Variants in LNX2 observed in about 807,000 individuals in gnomAD.
The protein encoded by LNX2 is ligand of Numb protein X 2.
Under a neutral mutation model 66.2 loss-of-function variants are expected in LNX2, and 35 were observed. The ratio of observed to expected loss-of-function variants is 0.53; its 90% confidence interval spans 0.40 to 0.70. The LOEUF (loss-of-function observed/expected upper bound fraction) is 0.70. Among genes scored for constraint, LNX2 ranks in the 30% least tolerant of loss-of-function variants. LNX2 has a pLI of 0.00. For missense variants in LNX2, 791 were observed against 850.8 expected (o/e 0.93, Z 0.87); for synonymous variants, 337 against 315.6 (o/e 1.07, Z -0.72).
chr13:27,617,499 G>A (rs1454757555), intron 1 of LNX2, among the ~76,000 whole-genome samples: 1 of 152,296 alleles, frequency 6.6e-6, no homozygotes, highest in Admixed American at 6.5e-5. Flanking sequence ...AGAAAGAAGA[G>A]GGGAAGAAGG....
At chr13:27,600,089 G>T (rs1955640749) in intron 1 of LNX2, among the ~76,000 whole-genome samples, 1 of 152,144 alleles carries the variant, frequency 6.6e-6, no homozygotes, top group South Asian at 2.1e-4. Flanking sequence ...CAACAAATAT[G>T]TGTTGGTTAT....
Position 27,559,882 on chromosome 13 carries a change from T to C in LNX2, c.1328A>G (p.His443Arg). The change falls in exon 6 of 10, where the codon CAC becomes CGC. Residue 443 changes from histidine to arginine, a missense_variant. Physicochemically the swap from His to Arg is conservative, Grantham distance 29. Coordinates refer to ENST00000316334, the MANE Select transcript of LNX2 (RefSeq NM_153371.4). ...TCTGCTATAATACGGTGGTGGTGTG[T>C]GGTGCTGGCTGCTGCTGCTATGATT... is the stretch of plus-strand genomic sequence containing the variant. ...AGNHSSSSQH[H>R]TPPPYYSRPS... is the part of the protein sequence containing the mutation. The C allele has an allele frequency of 1.2e-6, 2 of 1,610,932 alleles. No homozygotes were observed. The highest frequency in any genetic ancestry group is 1.7e-6 in the Non-Finnish European group (2 of 1,177,816).
At chr13:27,609,598 A>G (rs1197969790) in intron 1 of LNX2, among the ~76,000 whole-genome samples, 1 of 152,244 alleles carries the variant, frequency 6.6e-6, no homozygotes, top group Non-Finnish European at 1.5e-5. Context: ...TATCACATTT[A>G]GAAAGACTAA....
At chr13:27,574,589 A>G (rs9507912) in intron 2 of LNX2, among the ~76,000 whole-genome samples, 83,003 of 151,760 alleles carry the variant, frequency 0.55, 22,936 homozygotes, top group Middle Eastern at 0.65. Flanking sequence ...GAGAATAAAC[A>G]TATACATAAT....
rs1443065896 is a variant in LNX2 at position 27,545,948 on chromosome 13, G to A, written c.*2387C>T. 1 of 152,170 alleles carries A rather than the reference G, an allele frequency of 6.6e-6. No individual in the cohort carries two copies. Among genetic ancestry groups the A allele is most frequent in the Non-Finnish European group, 1.5e-5 (1 of 68,026 alleles). 9.4% of individuals were successfully genotyped at this position (152,170 alleles called of 1,614,324 possible). ...GATGACTTTTATTTCCATCCTGAAT[G>A]ATTCACACCATTATTTAAACATCTG... is the stretch of plus-strand genomic sequence containing the variant. On this transcript the variant is annotated 3_prime_UTR_variant, in exon 10 of 10. Coordinates refer to ENST00000316334, the MANE Select transcript of LNX2 (RefSeq NM_153371.4).
At chr13:27,599,046 T>C (rs751713511) in intron 1 of LNX2, among the ~76,000 whole-genome samples, 13 of 152,186 alleles carry the variant, frequency 8.5e-5, no homozygotes, top group Non-Finnish European at 1.5e-4. Flanking sequence ...GGCTTCAAAA[T>C]TGACACTACT....
At chr13:27,619,038 A>G (rs1456965535) in intron 1 of LNX2, among the ~76,000 whole-genome samples, 2 of 152,260 alleles carry the variant, frequency 1.3e-5, no homozygotes, top group African/African-American at 4.8e-5. Flanking sequence ...GGCATGCAGT[A>G]GGTACTTTAT....
At chr13:27,607,826 G>A (rs1272235074) in intron 1 of LNX2, among the ~76,000 whole-genome samples, 1 of 152,180 alleles carries the variant, frequency 6.6e-6, no homozygotes, top group Non-Finnish European at 1.5e-5. Context: ...TGATTCCTTT[G>A]GGCATTATTA....
chr13:27,615,836 T>C (rs914945255), intron 1 of LNX2, among the ~76,000 whole-genome samples: 3 of 152,216 alleles, frequency 2.0e-5, no homozygotes, highest in African/African-American at 7.2e-5. Flanking sequence ...CAATTCTCTT[T>C]TGCTTTCCCT....
chr13:27,583,238 G>GCCTCTCCAATATAAC (rs1566124814), intron 1 of LNX2, among the ~76,000 whole-genome samples: 23 of 21,622 alleles, frequency 1.1e-3, no homozygotes, highest in Non-Finnish European at 1.5e-3. Flanking sequence ...GTGTGTGTGT[G>GCCTCTCCAATATAAC]TGTGTGTGTG....
At chr13:27,614,582 G>T (rs561263056) in intron 1 of LNX2, among the ~76,000 whole-genome samples, 18 of 152,268 alleles carry the variant, frequency 1.2e-4, no homozygotes, top group Admixed American at 2.6e-4. Context: ...TGTTCCGCAA[G>T]ATCTATGTGT....
chr13:27,573,119 G>T (rs1294526034), intron 2 of LNX2, among the ~76,000 whole-genome samples: 1 of 152,142 alleles, frequency 6.6e-6, no homozygotes, highest in Non-Finnish European at 1.5e-5. Context: ...TAAGAAGAGA[G>T]AGCTCTGTGG....
intron 2 of LNX2, among the ~76,000 whole-genome samples, chr13:27,577,749 T>C (rs1955354743): frequency 6.6e-6 from 1 of 152,198 alleles, no homozygotes; most frequent in Non-Finnish European, 1.5e-5. Context: ...ATTCTGAACC[T>C]TGCCATAAAC....
chr13:27,607,507 A>G (rs1955730329), intron 1 of LNX2, among the ~76,000 whole-genome samples: 1 of 152,216 alleles, frequency 6.6e-6, no homozygotes, highest in Non-Finnish European at 1.5e-5. Flanking sequence ...ATAAAACTGC[A>G]AATTCCACAA....
rs1461681651 is a variant in LNX2, at chr13:27,546,515, T to C, written c.*1820A>G. 1.3e-5 allele frequency: 2 copies of C among 152,212 alleles called. No individual in the cohort carries two copies. Among genetic ancestry groups the C allele is most frequent in the Non-Finnish European group, 1.5e-5 (1 of 68,038 alleles). 9.4% of individuals were successfully genotyped at this position (152,212 alleles called of 1,614,324 possible). On this transcript the variant is annotated 3_prime_UTR_variant, in exon 10 of 10. Coordinates refer to ENST00000316334, the MANE Select transcript of LNX2 (RefSeq NM_153371.4). Reference sequence around the variant, plus strand: ...TGATCATACAGTGTAACTAAGGGGTTGAACAAGTCAGTAGCAATGATTGTT... The same window carrying C: ...TGATCATACAGTGTAACTAAGGGGTCGAACAAGTCAGTAGCAATGATTGTT...
chr13:27,562,994 GAGA>G (rs1262052989), intron 4 of LNX2, among the ~76,000 whole-genome samples: 2 of 152,172 alleles, frequency 1.3e-5, no homozygotes, highest in Non-Finnish European at 2.9e-5. Flanking sequence ...GCATCAAGGA[GAGA>G]ATAGTAGCTA....
rs1481511966 is a variant in LNX2, at chr13:27,553,201, T to A, written c.1778+7A>T. ...TTTCCATAAAGCAACAAGAAAGCGC[T>A]CAGTACCTGGGAAGCCCAAGCCACA... On this transcript the variant is annotated splice_region_variant and intron_variant, in intron 8 of 9. Transcript: ENST00000316334. 6.2e-7 allele frequency: 1 copy of A among 1,612,216 alleles called. No homozygotes were observed. The highest frequency in any genetic ancestry group is 1.3e-5 in the African/African-American group (1 of 74,814).
At chr13:27,576,565 A>C (rs548822619) in intron 2 of LNX2, among the ~76,000 whole-genome samples, 346 of 151,486 alleles carry the variant, frequency 2.3e-3, no homozygotes, top group African/African-American at 6.6e-3. Flanking sequence ...AAAAGCACAA[A>C]AAAAAAAAAA....
rs752664326 is a variant in LNX2, at chr13:27,567,842, G to A, written c.656-3C>T. ...TAAACTAAGTGGCTGTTGTGTGGCT[G>A]CCAAGTTAAAAATGAGACAGACAAA... On this transcript the variant is annotated splice_region_variant and splice_polypyrimidine_tract_variant and intron_variant, in intron 3 of 9. Coordinates refer to ENST00000316334, the MANE Select transcript of LNX2 (RefSeq NM_153371.4). 13 of 1,613,272 alleles carry A rather than the reference G, an allele frequency of 8.1e-6. No individual in the cohort carries two copies. The Admixed American group carries it at 2.0e-4, about 25-fold the overall frequency.
Sources: allele counts gnomAD v4.1 joint callset (sites outside exome capture counted in the v4.1 genomes callset), GRCh38; gene constraint gnomAD v4.1.1; transcripts MANE v1.5; gene names NCBI Gene and HGNC (gene_info 2026-07-23, HGNC 2026-07-21).